The following SLCO3A1 variants were observed in gnomAD, a reference collection of about 807,000 sequenced individuals.
The protein encoded by SLCO3A1 is PGE1 transporter.
SLCO3A1 carries 27 observed loss-of-function variants against 63.1 expected under a neutral mutation model. The ratio of observed to expected loss-of-function variants is 0.43; its 90% CI spans 0.32 to 0.59. The LOEUF is 0.59. Among genes scored for constraint, SLCO3A1 ranks in the 20% least tolerant of loss-of-function variants. The probability of loss-of-function intolerance (pLI) is 0.09; values close to 1 mark genes in which losing one functional copy is unlikely to be tolerated. For synonymous variants in SLCO3A1, 473 were observed against 409.9 expected (o/e 1.15, Z -1.86); for missense variants, 773 against 945.8 (o/e 0.82, Z 2.40).
chr15:92,119,318 A>T (rs900072680), intron 4 of SLCO3A1, among the ~76,000 whole-genome samples: 1 of 152,246 alleles, frequency 6.6e-6, no homozygotes, highest in African/African-American at 2.4e-5. Flanking sequence ...CACATGCTTT[A>T]AGAAAAATAG....
At chr15:92,020,814 G>GTGCA (rs747575101) in intron 2 of SLCO3A1, among the ~76,000 whole-genome samples, 8 of 152,226 alleles carry the variant, frequency 5.3e-5, no homozygotes, top group African/African-American at 7.2e-5. Context: ...AGGTAGTATA[G>GTGCA]TGCATGGTAC....
chr15:91,959,607 C>G (rs1203244503), intron 2 of SLCO3A1, among the ~76,000 whole-genome samples: 2 of 150,420 alleles, frequency 1.3e-5, no homozygotes, highest in African/African-American at 4.9e-5. Context: ...TGGTGGGCAC[C>G]TGTAATCCCA....
intron 2 of SLCO3A1, among the ~76,000 whole-genome samples, chr15:91,991,637 A>G (rs2046127424): frequency 6.6e-6 from 1 of 152,244 alleles, no homozygotes; most frequent in African/African-American, 2.4e-5. Flanking sequence ...TTTAGTCAAG[A>G]TTTCCCAAAT....
intron 9 of SLCO3A1, among the ~76,000 whole-genome samples, chr15:92,158,034 A>G (rs572638778): frequency 6.6e-6 from 1 of 152,342 alleles, no homozygotes; most frequent in South Asian, 2.1e-4. Flanking sequence ...CTGAGTTCAC[A>G]TCAAAGCCTA....
chr15:92,025,235 T>C (rs1038442448), intron 2 of SLCO3A1, among the ~76,000 whole-genome samples: 3 of 151,910 alleles, frequency 2.0e-5, no homozygotes, highest in African/African-American at 7.3e-5. Flanking sequence ...AAGAGTGGTA[T>C]TTTCACTTGC....
chr15:92,014,216 G>A (rs1210597309), intron 2 of SLCO3A1, among the ~76,000 whole-genome samples: 3 of 152,080 alleles, frequency 2.0e-5, no homozygotes, highest in African/African-American at 7.2e-5. Flanking sequence ...AAGCCTGATG[G>A]GCGTCTCACC....
intron 1 of SLCO3A1, among the ~76,000 whole-genome samples, chr15:91,895,641 A>G (rs576001309): frequency 1.1e-4 from 17 of 152,350 alleles, no homozygotes; most frequent in South Asian, 1.0e-3. Flanking sequence ...TGCTTCTAGT[A>G]GTTCTTAATA....
rs1294684153 is a variant in SLCO3A1 at position 92,164,705 on chromosome 15, A to G, written c.*1570A>G. On this transcript the variant is annotated 3_prime_UTR_variant, in exon 10 of 10. Coordinates refer to ENST00000318445, the MANE Select transcript of SLCO3A1 (RefSeq NM_013272.4). ...GTGACATTTTCAGTGTTAGTCTTGAACTAAGGCCCTTGTCTGTGTGTTTTG... is the reference window on the plus strand; with the variant it reads ...GTGACATTTTCAGTGTTAGTCTTGAGCTAAGGCCCTTGTCTGTGTGTTTTG... 1 of 985,292 alleles carries G rather than the reference A, an allele frequency of 1.0e-6. No individual in the cohort carries two copies. Among genetic ancestry groups the G allele is most frequent in the African/African-American group, 1.7e-5 (1 of 57,232 alleles). 61.0% of individuals were successfully genotyped at this position (985,292 alleles called of 1,614,324 possible).
chr15:92,141,244 T>C (rs2048128008), intron 7 of SLCO3A1, among the ~76,000 whole-genome samples: 1 of 152,356 alleles, frequency 6.6e-6, no homozygotes, highest in Non-Finnish European at 1.5e-5. Flanking sequence ...AGGAAGACAC[T>C]GCTTTGCCTT....
At chr15:92,080,118 A>G (rs976271470) in intron 2 of SLCO3A1, among the ~76,000 whole-genome samples, 3 of 152,266 alleles carry the variant, frequency 2.0e-5, no homozygotes, top group African/African-American at 7.2e-5. Flanking sequence ...CCAGAGTGGC[A>G]ACAGCTGCGG....
intron 1 of SLCO3A1, among the ~76,000 whole-genome samples, chr15:91,915,649 A>G (rs1380575102): frequency 1.3e-5 from 2 of 151,892 alleles, no homozygotes; most frequent in East Asian, 3.9e-4. Flanking sequence ...CAGGACTTTT[A>G]TAGGTTTTCA....
In SLCO3A1 at chr15:91,854,432, G is replaced by A; in HGVS notation, c.180+344G>A. The A allele has an allele frequency of 1.0e-6, 1 of 997,252 alleles. No homozygotes were observed. The highest frequency in any genetic ancestry group is 1.2e-6 in the Non-Finnish European group (1 of 830,866). 61.8% of individuals were successfully genotyped at this position (997,252 alleles called of 1,614,324 possible). ...GACGGTGAGTTCAGGGTTCTCCTTG[G>A]AGAGGAACGAAAAAGCGTCGGGGTT... On this transcript the variant is annotated intron_variant, in intron 1 of 9. Coordinates refer to ENST00000318445, the MANE Select transcript of SLCO3A1 (RefSeq NM_013272.4). This position sits in a 1 kb window ranked among gnomAD's most constrained non-coding sequence, Gnocchi z 6.4.
chr15:91,881,178 C>CA (rs1897574377), intron 1 of SLCO3A1, among the ~76,000 whole-genome samples: 1 of 152,172 alleles, frequency 6.6e-6, no homozygotes, highest in African/African-American at 2.4e-5. Flanking sequence ...TTGGTCCCTC[C>CA]AACCCTTTTG....
chr15:92,113,465 C>T (rs1448650740), intron 4 of SLCO3A1, among the ~76,000 whole-genome samples: 4 of 152,240 alleles, frequency 2.6e-5, no homozygotes, highest in East Asian at 1.9e-4. Flanking sequence ...TGGTGCTGAT[C>T]ATTTATTTGT....
chr15:92,124,175 AGAG>A, intron 5 of SLCO3A1, among the ~76,000 whole-genome samples: 1 of 152,350 alleles, frequency 6.6e-6, no homozygotes, highest in African/African-American at 2.4e-5. Context: ...GGCAGAGCTC[AGAG>A]AAGAGCAACA....
chr15:92,099,683 G>C (rs946730015), intron 3 of SLCO3A1, among the ~76,000 whole-genome samples: 2 of 152,174 alleles, frequency 1.3e-5, no homozygotes, highest in African/African-American at 4.8e-5. Flanking sequence ...GCAAACAGCT[G>C]TCAACAGCTC....
chr15:91,886,704 A>G lies in SLCO3A1; in HGVS notation c.181-29289A>G, dbSNP rs1014566714. Among the ~76,000 whole-genome samples the G allele has an allele frequency of 6.6e-6, 1 of 152,194 alleles. No individual in the cohort carries two copies. ...TTCAAGACTTCACACTGACTACATC[A>G]ATCTGAATAATCGAGCTCAACTCCA... On this transcript the variant is annotated intron_variant, in intron 1 of 9. Transcript: ENST00000318445. The surrounding 1 kb of genome is among the most constrained non-coding windows in gnomAD (Gnocchi z 4.9).
intron 2 of SLCO3A1, among the ~76,000 whole-genome samples, chr15:92,039,216 C>G (rs949782170): frequency 9.9e-5 from 15 of 152,066 alleles, no homozygotes; most frequent in Non-Finnish European, 2.2e-4. Context: ...CAACAAAACC[C>G]AAAATTGACA....
chr15:92,111,160 C>A (rs1339881263), intron 4 of SLCO3A1, among the ~76,000 whole-genome samples: 1 of 152,144 alleles, frequency 6.6e-6, no homozygotes, highest in East Asian at 1.9e-4. Context: ...TCCACAGGAC[C>A]CAGCTCATGC....
Sources: allele counts gnomAD v4.1 joint callset (sites outside exome capture counted in the v4.1 genomes callset), GRCh38; gene constraint gnomAD v4.1.1; non-coding constraint Gnocchi (gnomAD v3.1); transcripts MANE v1.5; gene names NCBI Gene and HGNC (gene_info 2026-07-23, HGNC 2026-07-21).